OLFM2: variants seen among roughly 807,000 people sequenced by gnomAD.
OLFM2 encodes the protein olfactomedin 2, also known as noelin-2.
OLFM2 carries 20 observed loss-of-function variants against 43.9 expected under a neutral mutation model. The observed-to-expected ratio is 0.46, with a 90% confidence interval of 0.32 to 0.66. The LOEUF is 0.66. OLFM2 is among the 30% of genes least tolerant of loss of function. OLFM2 has a pLI of 0.04. For synonymous variants in OLFM2, 268 were observed against 278.6 expected, an observed-to-expected ratio of 0.96 and a Z score of 0.38; for missense variants, 416 against 643.6, an observed-to-expected ratio of 0.65 and a Z score of 3.83.
At chr19:9,924,445 A>G (rs1046842707) in intron 1 of OLFM2, among the ~76,000 whole-genome samples, 2 of 146,306 alleles carry the variant, frequency 1.4e-5, no homozygotes, top group African/African-American at 5.1e-5. Flanking sequence ...TGTTTTTGAA[A>G]TGGAGGTCTC....
intron 1 of OLFM2, among the ~76,000 whole-genome samples, chr19:9,894,537 C>T (rs2046666628): frequency 6.6e-6 from 1 of 151,532 alleles, no homozygotes; most frequent in Non-Finnish European, 1.5e-5. Context: ...CGGAGAAACC[C>T]CGTCTCTACT....
rs145942557 is a variant in OLFM2, at chr19:9,913,003, G to C, written c.63+23301C>G. On this transcript the variant is annotated intron_variant, in intron 1 of 5. Coordinates refer to ENST00000264833, the MANE Select transcript of OLFM2 (RefSeq NM_058164.4). Reference sequence around the variant, plus strand: ...TCAGACAGAACTACTCAGAGACGCCGAGACGCAACCAGGCAGAGACCTTGA... The same window carrying C: ...TCAGACAGAACTACTCAGAGACGCCCAGACGCAACCAGGCAGAGACCTTGA... Among the ~76,000 whole-genome samples the C allele has an allele frequency of 1.3e-3, 197 of 151,550 alleles. 1 individual carries two copies. Among genetic ancestry groups the C allele is most frequent in the African/African-American group, 4.6e-3 (189 of 41,254 alleles).
chr19:9,894,412 T>TAAA (rs33990573), intron 1 of OLFM2, among the ~76,000 whole-genome samples: 770 of 62,236 alleles, frequency 0.012, 12 homozygotes, highest in African/African-American at 0.03. Context: ...ATAATAATAA[T>TAAA]AAATAAATAA....
At chr19:9,877,744 C>T (rs1418586042) in intron 1 of OLFM2, among the ~76,000 whole-genome samples, 1 of 152,094 alleles carries the variant, frequency 6.6e-6, no homozygotes. Context: ...GTCACTTTTG[C>T]CTTCAGCCCT....
chr19:9,873,477 CAG>C (rs2046460195), intron 1 of OLFM2, among the ~76,000 whole-genome samples: 1 of 152,076 alleles, frequency 6.6e-6, no homozygotes, highest in South Asian at 2.1e-4. Context: ...TTTTAAGAGA[CAG>C]GGTCTCAAGC....
At chr19:9,910,044 A>C (rs1325898290) in intron 1 of OLFM2, among the ~76,000 whole-genome samples, 2 of 152,066 alleles carry the variant, frequency 1.3e-5, no homozygotes, top group East Asian at 1.9e-4. Flanking sequence ...ACCATCTCAT[A>C]AAGACTCTAA....
chr19:9,905,725 T>G (rs1436208425), intron 1 of OLFM2, among the ~76,000 whole-genome samples: 2 of 152,066 alleles, frequency 1.3e-5, no homozygotes, highest in African/African-American at 4.8e-5. Flanking sequence ...CTGTGGATCC[T>G]TGTCCTGTCT....
chr19:9,872,631 G>T (rs1331294336), intron 1 of OLFM2, among the ~76,000 whole-genome samples: 3 of 152,168 alleles, frequency 2.0e-5, no homozygotes, highest in African/African-American at 7.2e-5. Flanking sequence ...TGTGGGTCGG[G>T]GAGGGGTCAG....
rs1227264579 is a variant in OLFM2, at chr19:9,854,348, G to A, written c.1203C>T (p.Ser401=). The stretch of plus-strand genomic sequence containing the variant: ...AGGGCACGTCCGTGTACTCGTAACT[G>A]GACGTGTTGGTAAAATAGGCGAAGT... ...KVYFAYFTNT[S]SYEYTDVPFH... is the part of the protein sequence containing the mutation. The change falls in exon 6 of 6, where the codon TCC becomes TCT. Residue 401 remains serine, a synonymous_variant. Transcript: ENST00000264833. The surrounding 1 kb of genome is among the most constrained non-coding windows in gnomAD (Gnocchi z 9.5). The A allele has an allele frequency of 6.2e-7, 1 of 1,614,218 alleles. No homozygotes were observed. The highest frequency in any genetic ancestry group is 8.5e-7 in the Non-Finnish European group (1 of 1,180,026).
intron 1 of OLFM2, among the ~76,000 whole-genome samples, chr19:9,886,056 C>T (rs2046583948): frequency 2.0e-5 from 3 of 151,348 alleles, no homozygotes; most frequent in Admixed American, 2.0e-4. Context: ...ATGATTGCAC[C>T]CCTGCACTCC....
intron 1 of OLFM2, among the ~76,000 whole-genome samples, chr19:9,866,143 T>C (rs2046401167): frequency 6.6e-6 from 1 of 152,232 alleles, no homozygotes; most frequent in Admixed American, 6.5e-5. Flanking sequence ...GAGTGTTCTC[T>C]GCAGCAGTGT....
In OLFM2 at chr19:9,857,758, C is replaced by A; in HGVS notation, c.317G>T (p.Arg106Leu). The A allele has an allele frequency of 6.2e-7, 1 of 1,613,826 alleles. No homozygotes were observed. The highest frequency in any genetic ancestry group is 2.2e-5 in the East Asian group (1 of 44,874). The change falls in exon 3 of 6, where the codon CGG becomes CTG. Residue 106 changes from arginine (R) to leucine (L), a missense_variant. By Grantham distance (102) the Arg-to-Leu change is moderately radical (BLOSUM62 -2). Transcript: ENST00000264833. The surrounding 1 kb of genome is among the most constrained non-coding windows in gnomAD (Gnocchi z 5.7). ...GAGGGACCCATCAGCTGCCCGGAGC[C>A]GCGCATCCAGGCTCCGCATGAGGGT... ...METLMRSLDA[R>L]LRAADGSLSA...
intron 1 of OLFM2, among the ~76,000 whole-genome samples, chr19:9,916,446 C>T (rs114500451): frequency 0.025 from 3,882 of 152,278 alleles, 143 homozygotes; most frequent in African/African-American, 0.079. Flanking sequence ...ATGTTAACAA[C>T]TGCTGCAACA....
rs2046703130 is a variant in OLFM2 at position 9,898,172 on chromosome 19, A to G, written c.64-37378T>C. 2.0e-5 allele frequency among the ~76,000 whole-genome samples: 3 copies of G among 147,982 alleles called. No homozygotes were observed. In the Admixed American group the frequency reaches 2.1e-4, roughly 10 times the overall value. Reference sequence around the variant, plus strand: ...GTGATACACCCACCTCGGCCTCCCAAAGTGCTGGGATTACAGGCATGAGCC... The same window carrying G: ...GTGATACACCCACCTCGGCCTCCCAGAGTGCTGGGATTACAGGCATGAGCC... On this transcript the variant is annotated intron_variant, in intron 1 of 5. Transcript: ENST00000264833.
At chr19:9,884,088 T>C (rs2046564707) in intron 1 of OLFM2, among the ~76,000 whole-genome samples, 3 of 151,604 alleles carry the variant, frequency 2.0e-5, no homozygotes, top group African/African-American at 7.3e-5. Context: ...GGTAACATAG[T>C]GAGACCTCCG....
At chr19:9,865,836 CAAAG>C (rs1227111547) in intron 1 of OLFM2, among the ~76,000 whole-genome samples, 29 of 114,474 alleles carry the variant, frequency 2.5e-4, no homozygotes, top group African/African-American at 7.5e-4. Flanking sequence ...AAAAAAAAAA[CAAAG>C]AAAAACATCA....
chr19:9,927,859 C>T (rs564377593), intron 1 of OLFM2, among the ~76,000 whole-genome samples: 4 of 151,866 alleles, frequency 2.6e-5, no homozygotes, highest in East Asian at 3.9e-4. Context: ...GTCAGGAGTT[C>T]GAGACCAGCC....
In OLFM2 at chr19:9,922,910, C is replaced by CAA. The variant is rs530892316; in HGVS notation, c.63+13392_63+13393dup. Among the ~76,000 whole-genome samples the CAA allele has an allele frequency of 1.6e-3, 119 of 73,902 alleles. 1 individual carries two copies. Among genetic ancestry groups the CAA allele is most frequent in the African/African-American group, 3.9e-3 (110 of 28,068 alleles). 48.5% of individuals were successfully genotyped at this position (73,902 alleles called of 152,430 possible). ...TGGGTGACAGAGTGAGACCCTGTCT[C>CAA]AAAAAAAAAAAAAAAGAAAGAAAAA... On this transcript the variant is annotated intron_variant, in intron 1 of 5. Transcript: ENST00000264833.
intron 1 of OLFM2, among the ~76,000 whole-genome samples, chr19:9,911,766 T>C (rs2046829345): frequency 6.6e-6 from 1 of 152,166 alleles, no homozygotes; most frequent in Non-Finnish European, 1.5e-5. Context: ...CACACCTGCA[T>C]AGAACACATG....
Sources: allele counts gnomAD v4.1 joint callset (sites outside exome capture counted in the v4.1 genomes callset), GRCh38; gene constraint gnomAD v4.1.1; non-coding constraint Gnocchi (gnomAD v3.1); transcripts MANE v1.5; gene names NCBI Gene and HGNC (gene_info 2026-07-23, HGNC 2026-07-21).